The following PARVB variants were observed in gnomAD, a reference collection of about 807,000 sequenced individuals.
PARVB encodes beta-parvin.
Under a neutral mutation model 47.0 loss-of-function variants are expected in PARVB, and 46 were observed. The observed-to-expected ratio is 0.98, with a 90% CI of 0.77 to 1.25. PARVB has a LOEUF of 1.25. Among genes scored for constraint, PARVB ranks in the 50% most tolerant of loss-of-function variants. PARVB has a pLI of 0.00. For missense variants in PARVB, 473 were observed against 471.6 expected, an observed-to-expected ratio of 1.00 and a Z score of -0.03; for synonymous variants, 196 against 196.3, an observed-to-expected ratio of 1.00 and a Z score of 0.01.
chr22:44,071,888 C>T (rs1268887897), intron 1 of PARVB, among the ~76,000 whole-genome samples: 1 of 152,226 alleles, frequency 6.6e-6, no homozygotes, highest in East Asian at 1.9e-4. Flanking sequence ...TGTAGGCGTC[C>T]ATGCCTGGCC....
Position 44,170,573 on chromosome 22 carries a change from G to A in PARVB, c.*1895G>A, listed in dbSNP as rs866721948. The A allele has an allele frequency of 6.6e-6, 1 of 152,200 alleles. No individual in the cohort carries two copies. The highest frequency in any genetic ancestry group is 2.4e-5 in the African/African-American group (1 of 41,426). The allele number at this position is 152,200 out of a possible 1,614,324, so 9.4% of individuals were successfully genotyped here. On this transcript the variant is annotated 3_prime_UTR_variant, in exon 13 of 13. Transcript: ENST00000338758. The stretch of plus-strand genomic sequence containing the variant: ...GGAGTCGCTGCTCACTCAGTTATGG[G>A]TTGTTCACCCCCTCGCTCACCCCAG...
At chr22:44,045,095 G>A (rs1484138523) in intron 1 of PARVB, among the ~76,000 whole-genome samples, 1 of 151,988 alleles carries the variant, frequency 6.6e-6, no homozygotes, top group East Asian at 1.9e-4. Context: ...AATTAGTCTG[G>A]CGTTGTGTTG....
rs1026438910 is a variant in PARVB, at chr22:44,122,538, G to T, written c.376+3398G>T. 2.0e-5 allele frequency among the ~76,000 whole-genome samples: 2 copies of T among 101,608 alleles called. 1 individual carries two copies. The highest frequency in any genetic ancestry group is 9.9e-5 in the African/African-American group (2 of 20,132). The allele number at this position is 101,608 out of a possible 152,430, so 66.7% of individuals were successfully genotyped here. On this transcript the variant is annotated intron_variant, in intron 4 of 12. Coordinates refer to ENST00000338758, the MANE Select transcript of PARVB (RefSeq NM_013327.5). ...AGAGAGACAGAGAGACAGAGAGAGA[G>T]AGAGAGAGAGAGAGACACAGAGACA...
At chr22:44,154,122 C>A (rs763990962) in intron 10 of PARVB, among the ~76,000 whole-genome samples, 1 of 152,190 alleles carries the variant, frequency 6.6e-6, no homozygotes, top group Non-Finnish European at 1.5e-5. Flanking sequence ...GAGGTGTCTG[C>A]ACATCAGTAT....
chr22:44,128,999 A>T (rs1332823283), intron 4 of PARVB, among the ~76,000 whole-genome samples: 1 of 152,134 alleles, frequency 6.6e-6, no homozygotes, highest in Non-Finnish European at 1.5e-5. Flanking sequence ...GATCGCTTGA[A>T]CCTGGGAGGC....
intron 1 of PARVB, among the ~76,000 whole-genome samples, chr22:44,034,270 A>G (rs992968893): frequency 4.6e-5 from 5 of 107,984 alleles, no homozygotes; most frequent in African/African-American, 1.5e-4. Flanking sequence ...ATACATATAT[A>G]TGTTTGAGAT....
intron 2 of PARVB, among the ~76,000 whole-genome samples, chr22:44,098,286 C>T (rs2147060194): frequency 6.6e-6 from 1 of 152,274 alleles, no homozygotes; most frequent in Middle Eastern, 3.4e-3. Flanking sequence ...GATGGGTGGT[C>T]CAGAGGGGGT....
intron 2 of PARVB, among the ~76,000 whole-genome samples, chr22:44,094,571 C>G (rs576551001): frequency 4.1e-5 from 6 of 145,898 alleles, no homozygotes; most frequent in African/African-American, 1.5e-4. Flanking sequence ...CTCATGGCAG[C>G]CTTTACCGTC....
At chr22:44,136,405 A>G (rs2053441453) in intron 6 of PARVB, 55 bp from the exon 7 acceptor site, 3 of 1,509,262 alleles carry the variant, frequency 2.0e-6, no homozygotes, top group African/African-American at 1.4e-5. Context: ...CTGTCAGTGC[A>G]TCTTTCCTCA....
chr22:44,082,706 G>T (rs937889689), intron 1 of PARVB, among the ~76,000 whole-genome samples: 3 of 152,060 alleles, frequency 2.0e-5, no homozygotes, highest in African/African-American at 7.2e-5. Context: ...ACATTTTACC[G>T]TGCACCTGGA....
chr22:44,035,053 A>G (rs1003325282), intron 1 of PARVB, among the ~76,000 whole-genome samples: 5 of 152,152 alleles, frequency 3.3e-5, no homozygotes, highest in East Asian at 1.9e-4. Context: ...AACTAGTGAT[A>G]GCCTGCTGTT....
intron 1 of PARVB, among the ~76,000 whole-genome samples, chr22:44,083,690 T>A (rs2051960134): frequency 6.6e-6 from 1 of 151,958 alleles, no homozygotes; most frequent in African/African-American, 2.4e-5. Flanking sequence ...CATCAGACGA[T>A]GAGTGTGGAA....
rs562468586 is a variant in PARVB at position 44,060,394 on chromosome 22, G to A, written c.113-33534G>A. Among the ~76,000 whole-genome samples the A allele has an allele frequency of 7.9e-5, 12 of 152,262 alleles. No homozygotes were observed. The South Asian group carries it at 8.3e-4, about 11-fold the overall frequency. On this transcript the variant is annotated intron_variant, in intron 1 of 12. Transcript: ENST00000338758. ...TCCCAAGATCTGAGGCAAGGGAATC[G>A]TTTTCAATAGGAAACTTTTAAATGT...
chr22:44,017,182 C>G (rs1454102323), intron 2 of PARVB, among the ~76,000 whole-genome samples: 1 of 152,018 alleles, frequency 6.6e-6, no homozygotes, highest in Non-Finnish European at 1.5e-5. Flanking sequence ...GCCACCTTCC[C>G]CATTTGAGAT....
chr22:44,088,547 C>T lies in PARVB; in HGVS notation c.113-5381C>T, dbSNP rs2052086894. Among the ~76,000 whole-genome samples the T allele has an allele frequency of 2.0e-5, 3 of 152,200 alleles. No individual in the cohort carries two copies. In the South Asian group the frequency reaches 6.2e-4, roughly 32 times the overall value. ...AGTGAAGTGGCACAACCTTAGCTCA[C>T]TGCAACCTCCACCTCCCAGGTTCAA... On this transcript the variant is annotated intron_variant, in intron 1 of 12. Coordinates refer to ENST00000338758, the MANE Select transcript of PARVB (RefSeq NM_013327.5).
intron 2 of PARVB, among the ~76,000 whole-genome samples, chr22:44,015,524 T>C (rs1041262485): frequency 2.0e-5 from 3 of 152,222 alleles, no homozygotes; most frequent in East Asian, 3.9e-4. Context: ...ATCTACATAA[T>C]ACATAGGATT....
At chr22:44,069,515 TTCTC>T (rs1295159811) in intron 1 of PARVB, among the ~76,000 whole-genome samples, 6 of 152,000 alleles carry the variant, frequency 3.9e-5, no homozygotes, top group Admixed American at 1.3e-4. Context: ...TACTGTGGGT[TTCTC>T]TCTCTCTGTC....
upstream of PARVB, among the ~76,000 whole-genome samples, chr22:44,019,877 G>A (rs2146867341): frequency 6.6e-6 from 1 of 152,302 alleles, no homozygotes; most frequent in South Asian, 2.1e-4. Flanking sequence ...CCAATACATA[G>A]CACTCCCAAA....
chr22:44,079,127 G>C (rs865857326), intron 1 of PARVB, among the ~76,000 whole-genome samples: 1 of 152,194 alleles, frequency 6.6e-6, no homozygotes, highest in Non-Finnish European at 1.5e-5. Context: ...AACGTTTCCC[G>C]CAATGTGTGT....
Sources: allele counts gnomAD v4.1 joint callset (sites outside exome capture counted in the v4.1 genomes callset), GRCh38; gene constraint gnomAD v4.1.1; transcripts MANE v1.5; gene names NCBI Gene and HGNC (gene_info 2026-07-23, HGNC 2026-07-21).